ENTREP2: variants seen among roughly 807,000 people sequenced by gnomAD.
The protein encoded by ENTREP2 is protein ENTREP2.
At chr15:29,381,725 G>A in the ENTREP2 span, 1 of 1,491,948 alleles carries the variant, frequency 6.7e-7, no homozygotes, top group Non-Finnish European at 9.1e-7. Context: ...TCACGCATCT[G>A]AAGGTGGAAC....
the ENTREP2 span, among the ~76,000 whole-genome samples, chr15:29,240,087 A>AC: frequency 6.6e-6 from 1 of 152,330 alleles, no homozygotes; most frequent in South Asian, 2.1e-4. Flanking sequence ...GTTTGGCTGG[A>AC]CATGGTGGCT....
the ENTREP2 span, among the ~76,000 whole-genome samples, chr15:29,263,314 T>C: frequency 6.6e-6 from 1 of 152,204 alleles, no homozygotes. Context: ...TCCCAATGCA[T>C]TTATAAGACC....
chr15:29,504,145 G>T, the ENTREP2 span, among the ~76,000 whole-genome samples: 1 of 152,152 alleles, frequency 6.6e-6, no homozygotes, highest in East Asian at 1.9e-4. Flanking sequence ...ACATTAAGGT[G>T]CCCCAGGAAT....
chr15:29,157,512 G>A, the ENTREP2 span, among the ~76,000 whole-genome samples: 5 of 152,186 alleles, frequency 3.3e-5, no homozygotes, highest in Non-Finnish European at 7.3e-5. Flanking sequence ...ATCCATGTGC[G>A]CAGTAGCTGG....
the ENTREP2 span, chr15:29,381,786 G>C: frequency 2.6e-6 from 4 of 1,551,504 alleles, no homozygotes; most frequent in Non-Finnish European, 3.5e-6. Flanking sequence ...ACAAGGGAGA[G>C]AGGCCTCTTC....
At chr15:29,151,186 C>T in the ENTREP2 span, among the ~76,000 whole-genome samples, 3 of 152,112 alleles carry the variant, frequency 2.0e-5, no homozygotes, top group East Asian at 1.9e-4. Flanking sequence ...AACCATGCTC[C>T]GGGCCTCCTC....
At chr15:29,535,051 C>T in the ENTREP2 span, among the ~76,000 whole-genome samples, 3 of 151,418 alleles carry the variant, frequency 2.0e-5, no homozygotes, top group Admixed American at 2.0e-4. Context: ...TTTGAGACAG[C>T]CTGGGCAACA....
chr15:29,315,418 T>C, the ENTREP2 span, among the ~76,000 whole-genome samples: 7 of 152,314 alleles, frequency 4.6e-5, no homozygotes, highest in South Asian at 2.1e-4. Context: ...CATTTGTCTA[T>C]GGTAATTTAG....
the ENTREP2 span, among the ~76,000 whole-genome samples, chr15:29,537,820 T>C: frequency 0.012 from 1,783 of 152,144 alleles, 30 homozygotes; most frequent in African/African-American, 0.041. Flanking sequence ...TTGTTTCCCA[T>C]TGCTCCCCCT....
At chr15:29,500,185 A>T in the ENTREP2 span, among the ~76,000 whole-genome samples, 3 of 152,158 alleles carry the variant, frequency 2.0e-5, no homozygotes, top group Admixed American at 2.0e-4. Flanking sequence ...TTCAATAATG[A>T]ATAGAACAAA....
chr15:29,662,351 C>A, the ENTREP2 span, among the ~76,000 whole-genome samples: 2 of 151,858 alleles, frequency 1.3e-5, no homozygotes, highest in Non-Finnish European at 2.9e-5. Flanking sequence ...TATATACATC[C>A]AAAAGTTTTG....
chr15:29,561,826 G>C, the ENTREP2 span, among the ~76,000 whole-genome samples: 3 of 152,202 alleles, frequency 2.0e-5, no homozygotes, highest in Non-Finnish European at 2.9e-5. Flanking sequence ...AGTTGAAAGA[G>C]AGAGGTTTGA....
the ENTREP2 span, among the ~76,000 whole-genome samples, chr15:29,609,078 G>A: frequency 6.6e-6 from 1 of 150,844 alleles, no homozygotes. Flanking sequence ...CAACTCTTGA[G>A]GCTGTTGGCC....
At chr15:29,503,507 C>A in the ENTREP2 span, among the ~76,000 whole-genome samples, 1 of 151,896 alleles carries the variant, frequency 6.6e-6, no homozygotes, top group Non-Finnish European at 1.5e-5. Context: ...TCCGGAATTA[C>A]GTCATGATGA....
At chr15:29,380,154 C>T in the ENTREP2 span, among the ~76,000 whole-genome samples, 1 of 152,140 alleles carries the variant, frequency 6.6e-6, no homozygotes, top group Non-Finnish European at 1.5e-5. Flanking sequence ...CACAGGGGTT[C>T]ATGACAGCAG....
the ENTREP2 span, among the ~76,000 whole-genome samples, chr15:29,646,355 C>T: frequency 2.0e-5 from 3 of 152,248 alleles, no homozygotes; most frequent in African/African-American, 4.8e-5. Flanking sequence ...TAACCCATTT[C>T]GTGCTTACTC....
the ENTREP2 span, among the ~76,000 whole-genome samples, chr15:29,534,787 G>A: frequency 3.9e-5 from 6 of 152,142 alleles, no homozygotes; most frequent in African/African-American, 1.4e-4. Context: ...AATGTGGCCA[G>A]GCACAAAGTT....
chr15:29,128,984 C>G, the ENTREP2 span: 1 of 634,364 alleles, frequency 1.6e-6, no homozygotes, highest in Admixed American at 2.9e-5. Flanking sequence ...GACGTTCATC[C>G]ACACCTCCAC....
chr15:29,256,403 T>C, the ENTREP2 span, among the ~76,000 whole-genome samples: 1 of 152,196 alleles, frequency 6.6e-6, no homozygotes, highest in African/African-American at 2.4e-5. Flanking sequence ...GTAACCATAT[T>C]AATTTTACAT....
Sources: allele counts gnomAD v4.1 joint callset (sites outside exome capture counted in the v4.1 genomes callset), GRCh38; gene constraint gnomAD v4.1.1; transcripts MANE v1.5; gene names NCBI Gene and HGNC (gene_info 2026-07-23, HGNC 2026-07-21).